ALDH4A1: variants seen among roughly 807,000 people sequenced by gnomAD.
ALDH4A1 encodes delta-1-pyrroline-5-carboxylate dehydrogenase, mitochondrial.
Under a neutral mutation model 70.5 loss-of-function variants are expected in ALDH4A1, and 46 were observed. The observed-to-expected ratio is 0.65, with a 90% confidence interval of 0.51 to 0.83. ALDH4A1 has a LOEUF of 0.83. Ranked by LOEUF, ALDH4A1 falls within the 40% of genes least tolerant of loss-of-function variation. ALDH4A1 has a pLI of 0.00. For missense variants in ALDH4A1, 749 were observed against 766.5 expected, an observed-to-expected ratio of 0.98 and a Z score of 0.27; for synonymous variants, 323 against 324.3, an observed-to-expected ratio of 1.00 and a Z score of 0.04.
In ALDH4A1 at chr1:18,885,591, G is replaced by A; in HGVS notation, c.335C>T (p.Ala112Val). 1 of 1,613,958 alleles carries A rather than the reference G, an allele frequency of 6.2e-7. No individual in the cohort carries two copies. The highest frequency in any genetic ancestry group is 8.5e-7 in the Non-Finnish European group (1 of 1,179,984). ...AGGCTTCAGGTCCCACTCTTTCCGGGCAGCCAGGGCAGCCTCAATGGCTTT... is the reference window on the plus strand; with the variant it reads ...AGGCTTCAGGTCCCACTCTTTCCGGACAGCCAGGGCAGCCTCAATGGCTTT... ...LNKAIEAALA[A>V]RKEWDLKPIA... The change falls in exon 5 of 15, where the codon GCC becomes GTC. Residue 112 changes from alanine to valine, a missense_variant. Physicochemically the swap from Ala to Val is moderately conservative, Grantham distance 64 (BLOSUM62 0). Coordinates refer to ENST00000375341, the MANE Select transcript of ALDH4A1 (RefSeq NM_003748.4).
At chr1:18,887,824 C>T (rs1935277208) in intron 3 of ALDH4A1, among the ~76,000 whole-genome samples, 1 of 152,232 alleles carries the variant, frequency 6.6e-6, no homozygotes. Flanking sequence ...CCCACTTCCT[C>T]AGGTTTCTGC....
rs1934590763 is a variant in ALDH4A1, at chr1:18,874,594, G to GCAGT, written c.1461-17_1461-14dup. On this transcript the variant is annotated splice_polypyrimidine_tract_variant and intron_variant, in intron 13 of 14. Transcript: ENST00000375341. ...CTGCACGACGTCCCTACAAAGCAGAGCAGTGGTGACAGAGCAACCAGCTCA... is the reference window on the plus strand; with the variant it reads ...CTGCACGACGTCCCTACAAAGCAGAGCAGTCAGTGGTGACAGAGCAACCAGCTCA... 9 of 1,613,822 alleles carry GCAGT rather than the reference G, an allele frequency of 5.6e-6. 1 individual carries two copies. Among genetic ancestry groups the GCAGT allele is most frequent in the Middle Eastern group, 3.3e-4 (2 of 6,058 alleles).
intron 12 of ALDH4A1, 78 bp downstream of exon 12, chr1:18,876,237 T>A: frequency 2.6e-6 from 4 of 1,556,788 alleles, no homozygotes; most frequent in Non-Finnish European, 3.5e-6. Context: ...TGGGAGAATG[T>A]CTCCAGGAGA....
rs761937752 is a variant in ALDH4A1, at chr1:18,879,392, G to C, written c.867-19C>G. The stretch of plus-strand genomic sequence containing the variant: ...GAAGGTGCTGGAACCACAGGAGAAA[G>C]GGTGGGGTTCAGGGAGCCAGGCCAG... On this transcript the variant is annotated intron_variant, in intron 8 of 14. Coordinates refer to ENST00000375341, the MANE Select transcript of ALDH4A1 (RefSeq NM_003748.4). The C allele has an allele frequency of 1.2e-6, 2 of 1,605,832 alleles. No homozygotes were observed. The highest frequency in any genetic ancestry group is 1.7e-5 in the Admixed American group (1 of 58,998).
intron 1 of ALDH4A1, among the ~76,000 whole-genome samples, chr1:18,901,496 C>T (rs562966333): frequency 6.6e-5 from 10 of 152,352 alleles, no homozygotes; most frequent in South Asian, 6.2e-4. Flanking sequence ...CCCTCTGGGG[C>T]AGGGTCTGTG....
chr1:18,897,627 C>T (rs1443288099), intron 1 of ALDH4A1, among the ~76,000 whole-genome samples: 1 of 152,216 alleles, frequency 6.6e-6, no homozygotes, highest in Non-Finnish European at 1.5e-5. Flanking sequence ...GATCTGTTTA[C>T]GGATGAGGTT....
chr1:18,898,343 C>CAAA lies in ALDH4A1; in HGVS notation c.62+4118_62+4119insTTT, dbSNP rs1935691952. 2.0e-5 allele frequency among the ~76,000 whole-genome samples: 3 copies of CAAA among 151,994 alleles called. No individual in the cohort carries two copies. Among genetic ancestry groups the CAAA allele is most frequent in the African/African-American group, 7.3e-5 (3 of 41,344 alleles). On this transcript the variant is annotated intron_variant, in intron 1 of 14. Coordinates refer to ENST00000375341, the MANE Select transcript of ALDH4A1 (RefSeq NM_003748.4). The surrounding 1 kb of genome is among the most constrained non-coding windows in gnomAD (Gnocchi z 4.3). ...TCTCCAAAACAAACAAACAAACAAA[C>CAAA]CAACAATAATAACAGAAGAGGTTTG... is the stretch of plus-strand genomic sequence containing the variant.
chr1:18,901,016 C>A (rs1935780257), intron 1 of ALDH4A1: 1 of 551,570 alleles, frequency 1.8e-6, no homozygotes, highest in South Asian at 7.9e-5. Context: ...GCCGAAAACT[C>A]CTCAAAGGCC....
At chr1:18,890,183 G>A (rs1396758137) in intron 1 of ALDH4A1, 78 bp from the exon 2 acceptor site, 31 of 1,241,204 alleles carry the variant, frequency 2.5e-5, no homozygotes, top group Admixed American at 7.8e-5. Flanking sequence ...CTCTACCTCC[G>A]ACAGGGGGTC....
In ALDH4A1 at chr1:18,893,388, T is replaced by C. The variant is rs75986840; in HGVS notation, c.63-3283A>G. Among the ~76,000 whole-genome samples, 1,185 of 152,282 alleles carry C rather than the reference T, an allele frequency of 7.8e-3. 17 individuals carry two copies. Among genetic ancestry groups the C allele is most frequent in the African/African-American group, 0.027 (1,121 of 41,542 alleles). On this transcript the variant is annotated intron_variant, in intron 1 of 14. Transcript: ENST00000375341. ...TGGGACCTGAGTCATGCCCTTTGCA[T>C]CCACACCCGATGGCAATTATTTCAA... is the stretch of plus-strand genomic sequence containing the variant.
At chr1:18,891,491 C>T (rs1406854613) in intron 1 of ALDH4A1, among the ~76,000 whole-genome samples, 1 of 151,984 alleles carries the variant, frequency 6.6e-6, no homozygotes, top group Non-Finnish European at 1.5e-5. Context: ...CACTGGTCGG[C>T]GCAATGAGGG....
intron 4 of ALDH4A1, 33 bp from the exon 5 acceptor site, chr1:18,885,661 C>T (rs756105382): frequency 6.2e-7 from 1 of 1,613,276 alleles, no homozygotes; most frequent in South Asian, 1.1e-5. Flanking sequence ...GGGACTGCCA[C>T]CTGCAGCGGG....
intron 5 of ALDH4A1, among the ~76,000 whole-genome samples, chr1:18,884,318 G>A (rs1014196876): frequency 2.6e-5 from 4 of 151,774 alleles, no homozygotes; most frequent in African/African-American, 9.7e-5. Context: ...TGCAGCAGAG[G>A]GGGCGCTCAC....
intron 5 of ALDH4A1, 32 bp downstream of exon 5, chr1:18,885,441 G>GGGCCCCCCCCC: frequency 2.4e-6 from 1 of 423,744 alleles, no homozygotes; most frequent in Non-Finnish European, 3.8e-6. Context: ...ACCCCACCCC[G>GGGCCCCCCCCC]CCCCACCCAC....
Position 18,877,380 on chromosome 1 carries a change from C to G in ALDH4A1, c.1137+36G>C, listed in dbSNP as rs375007623. On this transcript the variant is annotated intron_variant, in intron 10 of 14. Transcript: ENST00000375341. ...CCAGGGACCCAATCCCATCAGCCCC[C>G]CGCTGGGCCGCGGCGGGGGTGACGG... 5.2e-6 allele frequency: 8 copies of G among 1,552,704 alleles called. No homozygotes were observed. In the African/African-American group the frequency reaches 6.8e-5, roughly 13 times the overall value.
chr1:18,883,566 G>C, intron 5 of ALDH4A1, 138 bp from the exon 6 acceptor site: 1 of 1,244,120 alleles, frequency 8.0e-7, no homozygotes, highest in Non-Finnish European at 1.1e-6. Context: ...GGCTCACCAG[G>C]TCCCATCCCA....
chr1:18,873,016 G>T, intron 14 of ALDH4A1, 59 bp from the exon 15 acceptor site: 1 of 1,407,734 alleles, frequency 7.1e-7, no homozygotes, highest in Non-Finnish European at 1.0e-6. Context: ...GGCAGAAGGG[G>T]AAGGGAGGAG....
chr1:18,888,854 G>A (rs567704471), intron 3 of ALDH4A1, among the ~76,000 whole-genome samples: 13 of 152,338 alleles, frequency 8.5e-5, no homozygotes, highest in South Asian at 4.1e-4. Context: ...CCCTGCACAC[G>A]TCTGCCCAGG....
chr1:18,901,068 T>C (rs954494467), intron 1 of ALDH4A1: 26 of 198,166 alleles, frequency 1.3e-4, no homozygotes, highest in Non-Finnish European at 3.6e-5. Context: ...ATCTCTAGGG[T>C]GTTTGGCAGA....
Sources: allele counts gnomAD v4.1 joint callset (sites outside exome capture counted in the v4.1 genomes callset), GRCh38; gene constraint gnomAD v4.1.1; non-coding constraint Gnocchi (gnomAD v3.1); transcripts MANE v1.5; gene names NCBI Gene and HGNC (gene_info 2026-07-23, HGNC 2026-07-21).